The following GUCY1A2 variants were observed in gnomAD, a reference collection of about 807,000 sequenced individuals.
The protein encoded by GUCY1A2 is guanylate cyclase 1 soluble subunit alpha 2, also known as guanylate cyclase soluble subunit alpha-2.
A neutral mutation model predicts 63.5 loss-of-function variants in GUCY1A2; 27 were observed. That is an observed-to-expected ratio of 0.43 (90% CI 0.31 to 0.59). The LOEUF (loss-of-function observed/expected upper bound fraction) is 0.59, where lower values mean the gene tolerates loss of function less well. GUCY1A2 is among the 20% of genes least tolerant of loss of function. The probability of loss-of-function intolerance (pLI) is 0.11; values close to 1 mark genes in which losing one functional copy is unlikely to be tolerated. For missense variants in GUCY1A2, 768 were observed against 913.3 expected (o/e 0.84, Z 2.05); for synonymous variants, 364 against 343.5 (o/e 1.06, Z -0.66).
intron 6 of GUCY1A2, among the ~76,000 whole-genome samples, chr11:106,764,975 G>GGGGGA: frequency 1.0e-5 from 1 of 97,134 alleles, no homozygotes; most frequent in East Asian, 4.2e-4. Context: ...TTTTTTGGGG[G>GGGGGA]GGGGTTGGGG....
At position 106,683,039 on chromosome 11, in the gene GUCY1A2, T is replaced by G; in HGVS notation, c.*4510A>C. The G allele has an allele frequency of 4.6e-6, 1 of 217,724 alleles. No individual in the cohort carries two copies. The highest frequency in any genetic ancestry group is 6.7e-5 in the East Asian group (1 of 14,822). 13.5% of individuals were successfully genotyped at this position (217,724 alleles called of 1,614,324 possible). ...CAACTTACCCATTTAACAATAAATT[T>G]TGTTCAATCACATGAACACAATTTA... On this transcript the variant is annotated 3_prime_UTR_variant, in exon 8 of 8. Coordinates refer to ENST00000526355, the MANE Select transcript of GUCY1A2 (RefSeq NM_000855.3).
At chr11:106,965,926 TAA>T (rs5794511) in intron 3 of GUCY1A2, among the ~76,000 whole-genome samples, 1 of 145,862 alleles carries the variant, frequency 6.9e-6, no homozygotes. Flanking sequence ...AAGTGAAGGT[TAA>T]AAAAAAAAAA....
At chr11:107,015,366 A>T (rs1316071121) in intron 1 of GUCY1A2, among the ~76,000 whole-genome samples, 1 of 152,100 alleles carries the variant, frequency 6.6e-6, no homozygotes, top group Non-Finnish European at 1.5e-5. Flanking sequence ...TCCAGCAAAA[A>T]GCCAGTCATT....
intron 6 of GUCY1A2, among the ~76,000 whole-genome samples, chr11:106,724,695 G>C (rs181646665): frequency 3.3e-5 from 5 of 152,268 alleles, no homozygotes; most frequent in Admixed American, 6.5e-5. Flanking sequence ...GCCCTTATGA[G>C]TGAGTCATTG....
At chr11:107,017,202 T>G (rs1177842613) in intron 1 of GUCY1A2, among the ~76,000 whole-genome samples, 1 of 152,116 alleles carries the variant, frequency 6.6e-6, no homozygotes, top group East Asian at 1.9e-4. Context: ...GCAAAAAGTA[T>G]CTGAAGATGT....
At position 106,708,498 on chromosome 11, in the gene GUCY1A2, C is replaced by G; in HGVS notation, c.1991+14G>C. The G allele has an allele frequency of 1.2e-6, 2 of 1,604,216 alleles. No individual in the cohort carries two copies. The highest frequency in any genetic ancestry group is 1.7e-6 in the Non-Finnish European group (2 of 1,173,828). ...AAGGCCAAGACAGGAAGGAGGAGGC[C>G]AGAGAACACTTACTGGTAAGTGGTT... is the stretch of plus-strand genomic sequence containing the variant. On this transcript the variant is annotated intron_variant, in intron 7 of 7. Transcript: ENST00000526355.
chr11:106,899,881 G>A (rs1217055521), intron 4 of GUCY1A2, among the ~76,000 whole-genome samples: 2 of 151,914 alleles, frequency 1.3e-5, no homozygotes, highest in East Asian at 1.9e-4. Context: ...TCAGGAGATC[G>A]AGACCATCCT....
chr11:106,869,997 A>G (rs1370284262), intron 4 of GUCY1A2, among the ~76,000 whole-genome samples: 2 of 151,820 alleles, frequency 1.3e-5, no homozygotes, highest in African/African-American at 2.4e-5. Flanking sequence ...TCAGGAAACT[A>G]TCGCAAGGAC....
At position 107,017,856 on chromosome 11, in the gene GUCY1A2, G is replaced by T; in HGVS notation, c.200C>A (p.Ala67Asp). ...CCCGGCAGTGGCAGCGGCGGCGGCG[G>T]CAGAAGCAGCCGGGGTCGGGGCCGG... ...AAPAPTPAAS[A>D]AAAAATAGAR... Residue 67 changes from alanine to aspartate, a missense_variant, in exon 1 of 8, where the codon GCC (alanine) becomes GAC (aspartate). Ala to Asp is a moderately radical substitution (Grantham distance 126, BLOSUM62 -2). Transcript: ENST00000526355. 8.0e-7 allele frequency: 1 copy of T among 1,253,300 alleles called. No individual in the cohort carries two copies. The allele number at this position is 1,253,300 out of a possible 1,614,324, so 77.6% of individuals were successfully genotyped here.
chr11:106,698,671 A>G (rs573569594), intron 7 of GUCY1A2, among the ~76,000 whole-genome samples: 19 of 152,288 alleles, frequency 1.2e-4, no homozygotes, highest in Admixed American at 1.2e-3. Context: ...GACTTTATTC[A>G]GATTTCACTG....
chr11:106,873,508 C>A (rs1262417973), intron 4 of GUCY1A2, among the ~76,000 whole-genome samples: 2 of 152,164 alleles, frequency 1.3e-5, no homozygotes, highest in African/African-American at 4.8e-5. Context: ...ATTTGCATTT[C>A]TCGGACGATC....
chr11:106,900,557 T>C (rs770796128), intron 4 of GUCY1A2, among the ~76,000 whole-genome samples: 6 of 152,202 alleles, frequency 3.9e-5, no homozygotes, highest in Non-Finnish European at 8.8e-5. Flanking sequence ...ATATCTGCAG[T>C]AAATCTGAAT....
intron 7 of GUCY1A2, among the ~76,000 whole-genome samples, chr11:106,704,251 G>A (rs1862867458): frequency 6.6e-6 from 1 of 152,162 alleles, no homozygotes; most frequent in South Asian, 2.1e-4. Context: ...GGAAAGAACA[G>A]GATGAAGCAG....
At chr11:106,790,326 C>T (rs1864636005) in intron 5 of GUCY1A2, among the ~76,000 whole-genome samples, 1 of 152,162 alleles carries the variant, frequency 6.6e-6, no homozygotes, top group African/African-American at 2.4e-5. Flanking sequence ...TCACTTAAGG[C>T]CCAAGGGCTC....
At chr11:106,969,443 ACAT>A (rs1861166764) in intron 3 of GUCY1A2, among the ~76,000 whole-genome samples, 1 of 152,186 alleles carries the variant, frequency 6.6e-6, no homozygotes, top group South Asian at 2.1e-4. Flanking sequence ...ATGGACAAAA[ACAT>A]CAGCCTCATG....
At chr11:106,746,891 C>G (rs565280518) in intron 6 of GUCY1A2, among the ~76,000 whole-genome samples, 2 of 152,074 alleles carry the variant, frequency 1.3e-5, no homozygotes, top group African/African-American at 4.8e-5. Context: ...GTAAAGGCAC[C>G]CACGTGATAA....
At chr11:106,705,197 T>C (rs1333753988) in intron 7 of GUCY1A2, among the ~76,000 whole-genome samples, 9 of 152,236 alleles carry the variant, frequency 5.9e-5, no homozygotes, top group African/African-American at 2.2e-4. Context: ...AATATTAAAA[T>C]ATGGTGGAGT....
At chr11:106,744,040 T>C (rs1328566856) in intron 6 of GUCY1A2, among the ~76,000 whole-genome samples, 1 of 152,154 alleles carries the variant, frequency 6.6e-6, no homozygotes. Context: ...AAGAAGACCA[T>C]GGATGTATAA....
chr11:106,975,091 CTTG>C (rs1440765963), intron 3 of GUCY1A2, among the ~76,000 whole-genome samples: 1 of 152,102 alleles, frequency 6.6e-6, no homozygotes, highest in East Asian at 1.9e-4. Context: ...AGTATTAGAA[CTTG>C]TTAAAACTGA....
Sources: gnomAD v4.1 joint callset for allele counts (sites outside exome capture counted in the v4.1 genomes callset) on GRCh38, gnomAD v4.1.1 for gene constraint, MANE v1.5 for transcripts, NCBI Gene and HGNC (gene_info 2026-07-23, HGNC 2026-07-21) for gene names.